Variants in FOCAD observed in about 807,000 individuals in gnomAD.
FOCAD encodes the protein focadhesin, also known as KIAA1797.
FOCAD carries 198 observed loss-of-function variants against 225.6 expected under a neutral mutation model. The observed-to-expected ratio is 0.88, with a 90% CI of 0.78 to 0.99. FOCAD has a LOEUF of 0.99. Among genes scored for constraint, FOCAD ranks in the 50% least tolerant of loss-of-function variants. The pLI, the probability that FOCAD is intolerant of heterozygous loss-of-function variation, is 0.00. For synonymous variants in FOCAD, 897 were observed against 755.0 expected, an observed-to-expected ratio of 1.19 and a Z score of -3.08; for missense variants, 2,713 against 2,123.6, an observed-to-expected ratio of 1.28 and a Z score of -5.46.
intron 2 of FOCAD, among the ~76,000 whole-genome samples, chr9:20,662,488 C>G (rs760043384): frequency 6.6e-6 from 1 of 152,200 alleles, no homozygotes; most frequent in Non-Finnish European, 1.5e-5. Context: ...CAATATTAGC[C>G]TCCTAAGCTC....
At chr9:20,723,966 A>AGCCGGGAGCAGGCATGTCACATGGCAAGT (rs1260666873) in intron 4 of FOCAD, among the ~76,000 whole-genome samples, 2 of 152,136 alleles carry the variant, frequency 1.3e-5, no homozygotes, top group African/African-American at 4.8e-5. Context: ...ACATGGCAAG[A>AGCCGGGAGCAGGCATGTCACATGGCAAGT]GCCAGGAGCA....
Position 20,739,764 on chromosome 9 carries a change from T to A in FOCAD, c.288-472T>A, listed in dbSNP as rs535766064. Among the ~76,000 whole-genome samples the A allele has an allele frequency of 7.2e-5, 11 of 152,226 alleles. No individual in the cohort carries two copies. The East Asian group carries it at 1.3e-3, about 19-fold the overall frequency. Reference sequence around the variant, plus strand: ...ATCTCTTACAAAAATAAGGAAAAAATTTAAATTGCTATTCCCTTTCTATTA... The same window carrying A: ...ATCTCTTACAAAAATAAGGAAAAAAATTAAATTGCTATTCCCTTTCTATTA... On this transcript the variant is annotated intron_variant, in intron 4 of 43. Coordinates refer to ENST00000338382, the MANE Select transcript of FOCAD (RefSeq NM_001375567.1).
chr9:20,936,020 G>T (rs918150584), intron 28 of FOCAD, among the ~76,000 whole-genome samples: 5 of 152,182 alleles, frequency 3.3e-5, no homozygotes, highest in African/African-American at 1.2e-4. Flanking sequence ...TAATGTTTCA[G>T]TTAGTCTGTG....
chr9:20,933,148 T>C, intron 28 of FOCAD, 45 bp downstream of exon 28: 1 of 1,305,606 alleles, frequency 7.7e-7, no homozygotes, highest in Non-Finnish European at 1.1e-6. Context: ...TAGACATTGC[T>C]CCCTACACTG....
intron 21 of FOCAD, among the ~76,000 whole-genome samples, chr9:20,902,714 ATATATAT>A (rs905154357): frequency 1.3e-5 from 2 of 152,046 alleles, no homozygotes; most frequent in South Asian, 4.1e-4. Flanking sequence ...AAGTTGGGAC[ATATATAT>A]TAAATATTTC....
chr9:20,787,791 A>G (rs976386755), intron 10 of FOCAD, among the ~76,000 whole-genome samples: 1 of 151,790 alleles, frequency 6.6e-6, no homozygotes, highest in Non-Finnish European at 1.5e-5. Flanking sequence ...AACTACAAAT[A>G]TATTATCTTT....
chr9:20,704,470 A>G (rs915011343), intron 1 of FOCAD, among the ~76,000 whole-genome samples: 1 of 152,214 alleles, frequency 6.6e-6, no homozygotes, highest in Non-Finnish European at 1.5e-5. Flanking sequence ...GTTGCCAATA[A>G]ACTTGTAATC....
chr9:20,724,835 A>C lies in FOCAD; in HGVS notation c.287+4301A>C, dbSNP rs544983076. Among the ~76,000 whole-genome samples, 10 of 152,282 alleles carry C rather than the reference A, an allele frequency of 6.6e-5. No homozygotes were observed. The South Asian group carries it at 2.1e-3, about 32-fold the overall frequency. The stretch of plus-strand genomic sequence containing the variant: ...CCTCCTCCAAAATGAACCTCAGGGA[A>C]TCTTCTGAGACAGAAAACCATCTGT... On this transcript the variant is annotated intron_variant, in intron 4 of 43. Transcript: ENST00000338382.
chr9:20,959,507 A>G (rs528509964), intron 35 of FOCAD, among the ~76,000 whole-genome samples: 1 of 152,002 alleles, frequency 6.6e-6, no homozygotes, highest in African/African-American at 2.4e-5. Flanking sequence ...GTTGTTGATT[A>G]TTTCCTTTGC....
chr9:20,973,519 C>T (rs1839953437), intron 35 of FOCAD, among the ~76,000 whole-genome samples: 1 of 150,238 alleles, frequency 6.7e-6, no homozygotes, highest in South Asian at 2.1e-4. Context: ...CTACTTCCCC[C>T]TTCTTTTAGC....
Position 20,953,081 on chromosome 9 carries a change from T to C in FOCAD, c.4132+16T>C, listed in dbSNP as rs1178491540. The stretch of plus-strand genomic sequence containing the variant: ...GGAAAAAAAGGCAAGTGAGCACATT[T>C]CTTGAATTTTATCATTCTATCTCCA... On this transcript the variant is annotated intron_variant, in intron 35 of 43. Transcript: ENST00000338382. The C allele has an allele frequency of 1.3e-6, 2 of 1,597,894 alleles. No individual in the cohort carries two copies. Among genetic ancestry groups the C allele is most frequent in the Non-Finnish European group, 8.6e-7 (1 of 1,167,000 alleles).
At chr9:20,958,058 A>G (rs1273525867) in intron 35 of FOCAD, among the ~76,000 whole-genome samples, 1 of 151,914 alleles carries the variant, frequency 6.6e-6, no homozygotes, top group African/African-American at 2.4e-5. Context: ...CACTTCCACT[A>G]CTTACTGGCT....
chr9:20,693,944 C>T (rs913784840), intron 1 of FOCAD, among the ~76,000 whole-genome samples: 5 of 152,218 alleles, frequency 3.3e-5, no homozygotes, highest in Non-Finnish European at 5.9e-5. Flanking sequence ...CTCTTGACTT[C>T]AAGTGATCTT....
intron 11 of FOCAD, among the ~76,000 whole-genome samples, chr9:20,809,899 C>CT (rs1384966572): frequency 6.6e-6 from 1 of 152,006 alleles, no homozygotes; most frequent in Non-Finnish European, 1.5e-5. Context: ...AGAAGTTATT[C>CT]TTTTTAGAAA....
intron 4 of FOCAD, among the ~76,000 whole-genome samples, chr9:20,738,268 G>A (rs138269695): frequency 6.6e-6 from 1 of 152,334 alleles, no homozygotes; most frequent in African/African-American, 2.4e-5. Context: ...TCCTCAAGGA[G>A]ATGCCATGCA....
At chr9:20,945,901 T>G (rs541674656) in intron 29 of FOCAD, among the ~76,000 whole-genome samples, 1 of 152,264 alleles carries the variant, frequency 6.6e-6, no homozygotes, top group East Asian at 1.9e-4. Flanking sequence ...TAAGGGAGGT[T>G]TTTTATCACG....
At chr9:20,837,755 CT>C (rs1826137070) in intron 15 of FOCAD, among the ~76,000 whole-genome samples, 1 of 152,044 alleles carries the variant, frequency 6.6e-6, no homozygotes, top group African/African-American at 2.4e-5. Flanking sequence ...TAGAATTAAA[CT>C]TTTATAAACA....
At chr9:20,882,816 G>A (rs940703500) in intron 20 of FOCAD, among the ~76,000 whole-genome samples, 2 of 152,160 alleles carry the variant, frequency 1.3e-5, no homozygotes, top group Non-Finnish European at 2.9e-5. Context: ...TTATGGGATG[G>A]AAAGCTAAAG....
upstream of FOCAD, among the ~76,000 whole-genome samples, chr9:20,680,324 C>G (rs928125774): frequency 1.3e-5 from 2 of 152,160 alleles, no homozygotes; most frequent in African/African-American, 4.8e-5. Context: ...CTTTGGGAGG[C>G]TGAGGTGAGC....
Sources: allele counts gnomAD v4.1 joint callset (sites outside exome capture counted in the v4.1 genomes callset), GRCh38; gene constraint gnomAD v4.1.1; transcripts MANE v1.5; gene names NCBI Gene and HGNC (gene_info 2026-07-23, HGNC 2026-07-21).